SCFD2: variants seen among roughly 807,000 people sequenced by gnomAD.
The protein encoded by SCFD2 is sec1 family domain containing 2.
Under a neutral mutation model 58.9 loss-of-function variants are expected in SCFD2, and 54 were observed. That is an observed-to-expected ratio of 0.92 (90% CI 0.74 to 1.15). The LOEUF is 1.15. SCFD2 is among the 50% of genes most tolerant of loss of function. The probability of loss-of-function intolerance (pLI) is 0.00; values close to 1 mark genes in which losing one functional copy is unlikely to be tolerated. For missense variants in SCFD2, 805 were observed against 836.6 expected (o/e 0.96, Z 0.47); for synonymous variants, 321 against 335.9 (o/e 0.96, Z 0.49).
At chr4:53,201,278 G>A (rs1458872248) in intron 4 of SCFD2, among the ~76,000 whole-genome samples, 3 of 150,712 alleles carry the variant, frequency 2.0e-5, no homozygotes, top group Admixed American at 1.3e-4. Flanking sequence ...TGAGGTGTTT[G>A]GTTTTTTCTC....
At chr4:53,235,328 C>T (rs1239227957) in intron 4 of SCFD2, among the ~76,000 whole-genome samples, 2 of 152,186 alleles carry the variant, frequency 1.3e-5, no homozygotes, top group African/African-American at 2.4e-5. Flanking sequence ...TCTGGTAAAC[C>T]ATGTAAACAT....
At chr4:53,011,001 T>C (rs1055897778) in intron 5 of SCFD2, among the ~76,000 whole-genome samples, 4 of 152,206 alleles carry the variant, frequency 2.6e-5, no homozygotes, top group African/African-American at 7.2e-5. Context: ...TTTGTTTCTA[T>C]AGCGTACCTT....
chr4:52,989,552 C>T (rs1721573821), intron 5 of SCFD2, among the ~76,000 whole-genome samples: 3 of 152,242 alleles, frequency 2.0e-5, no homozygotes, highest in Admixed American at 6.5e-5. Context: ...GAATAGAATG[C>T]CTGTGGAATG....
intron 5 of SCFD2, among the ~76,000 whole-genome samples, chr4:53,056,013 T>A (rs1723327885): frequency 6.6e-6 from 1 of 152,116 alleles, no homozygotes; most frequent in Admixed American, 6.6e-5. Flanking sequence ...AAAATGAACA[T>A]GTGTATCCTG....
intron 5 of SCFD2, among the ~76,000 whole-genome samples, chr4:52,955,337 A>G (rs914615586): frequency 1.3e-5 from 2 of 152,210 alleles, no homozygotes; most frequent in African/African-American, 4.8e-5. Context: ...TTCCCAGAAG[A>G]AAGAGAAAGA....
At chr4:53,017,764 CCTT>C (rs890973041) in intron 5 of SCFD2, among the ~76,000 whole-genome samples, 3 of 152,260 alleles carry the variant, frequency 2.0e-5, no homozygotes, top group Admixed American at 1.3e-4. Context: ...TGCCACCTCT[CCTT>C]CTCCTCCCAC....
chr4:52,974,300 C>T (rs1013962349), intron 5 of SCFD2, among the ~76,000 whole-genome samples: 3 of 152,166 alleles, frequency 2.0e-5, no homozygotes, highest in African/African-American at 7.2e-5. Context: ...TCTCCTTCAG[C>T]TGATAAGCAA....
chr4:53,237,715 C>T (rs1309322307), intron 4 of SCFD2, among the ~76,000 whole-genome samples: 10 of 109,838 alleles, frequency 9.1e-5, no homozygotes, highest in South Asian at 6.6e-4. Flanking sequence ...CCAGTAGGGG[C>T]GGCCAGGCAG....
intron 3 of SCFD2, among the ~76,000 whole-genome samples, chr4:53,277,497 G>T (rs1381077152): frequency 6.6e-6 from 1 of 152,104 alleles, no homozygotes; most frequent in Non-Finnish European, 1.5e-5. Context: ...GGTAAGTACT[G>T]CCAAAGAAAA....
intron 7 of SCFD2, among the ~76,000 whole-genome samples, chr4:52,895,399 C>T (rs1187648876): frequency 1.3e-5 from 2 of 152,118 alleles, no homozygotes; most frequent in Non-Finnish European, 2.9e-5. Flanking sequence ...TCAATTCCCA[C>T]CTATGAGTGA....
At chr4:52,978,855 A>C (rs929057627) in intron 5 of SCFD2, among the ~76,000 whole-genome samples, 1 of 150,916 alleles carries the variant, frequency 6.6e-6, no homozygotes, top group South Asian at 2.1e-4. Flanking sequence ...ATCACATATA[A>C]GGTAAAGCAG....
intron 5 of SCFD2, among the ~76,000 whole-genome samples, chr4:53,010,965 A>G (rs1722080991): frequency 6.6e-6 from 1 of 152,154 alleles, no homozygotes; most frequent in Non-Finnish European, 1.5e-5. Flanking sequence ...AACTCTTCAA[A>G]ATGCCTTCAG....
At position 53,306,777 on chromosome 4, in the gene SCFD2, T is replaced by C. The variant is rs139517823; in HGVS notation, c.1135+6859A>G. Among the ~76,000 whole-genome samples, 10 of 152,348 alleles carry C rather than the reference T, an allele frequency of 6.6e-5. No homozygotes were observed. In the East Asian group the frequency reaches 1.9e-3, roughly 29 times the overall value. ...TGTGTCCTTAGAAGCCAGAGCAATT[T>C]ATTCAGCCTGTTGAGGGAGTGAAAA... On this transcript the variant is annotated intron_variant, in intron 3 of 8. Transcript: ENST00000401642.
intron 4 of SCFD2, among the ~76,000 whole-genome samples, chr4:53,248,624 C>G (rs556206512): frequency 2.0e-5 from 3 of 152,202 alleles, no homozygotes; most frequent in Non-Finnish European, 4.4e-5. Flanking sequence ...CCCTGACCCC[C>G]GAGCAGCCTA....
chr4:53,154,674 CCTGGAAT>C (rs1321296278), intron 4 of SCFD2, among the ~76,000 whole-genome samples: 1 of 152,182 alleles, frequency 6.6e-6, no homozygotes, highest in Admixed American at 6.5e-5. Flanking sequence ...CATCCTAGTC[CCTGGAAT>C]CTGTGACTGT....
chr4:52,984,018 T>C (rs1026427157), intron 5 of SCFD2, among the ~76,000 whole-genome samples: 5 of 152,174 alleles, frequency 3.3e-5, no homozygotes, highest in Non-Finnish European at 7.4e-5. Flanking sequence ...ACTGAGTAAA[T>C]AGGGTTATTA....
chr4:53,036,739 T>C (rs28759293), intron 5 of SCFD2, among the ~76,000 whole-genome samples: 28,791 of 151,934 alleles, frequency 0.19, 4,707 homozygotes, highest in African/African-American at 0.45. Flanking sequence ...AAATACCTAA[T>C]GTAGGTGACA....
At chr4:52,889,147 C>A (rs17082148) in intron 7 of SCFD2, among the ~76,000 whole-genome samples, 5,931 of 152,272 alleles carry the variant, frequency 0.039, 428 homozygotes, top group African/African-American at 0.14. Flanking sequence ...CACATTAGAT[C>A]GCTGCTATAG....
At chr4:53,082,472 A>G (rs1348268494) in intron 5 of SCFD2, among the ~76,000 whole-genome samples, 1 of 152,114 alleles carries the variant, frequency 6.6e-6, no homozygotes, top group Non-Finnish European at 1.5e-5. Context: ...GCATCTTTTC[A>G]TGCACCTACT....
Sources: allele counts gnomAD v4.1 joint callset (sites outside exome capture counted in the v4.1 genomes callset), GRCh38; gene constraint gnomAD v4.1.1; transcripts MANE v1.5; gene names NCBI Gene and HGNC (gene_info 2026-07-23, HGNC 2026-07-21).